GATAD2A: variants seen among roughly 807,000 people sequenced by gnomAD.
GATAD2A encodes the protein GATA zinc finger domain containing 2A.
In GATAD2A, 12 loss-of-function variants were observed where a neutral mutation model predicts 68.5. The ratio of observed to expected loss-of-function variants is 0.18; its 90% CI spans 0.11 to 0.28. GATAD2A has a LOEUF of 0.28. Among genes scored for constraint, GATAD2A ranks in the 10% least tolerant of loss-of-function variants. GATAD2A has a pLI of 1.00. For missense variants in GATAD2A, 755 were observed against 868.5 expected (o/e 0.87, Z 1.64); for synonymous variants, 410 against 375.3 (o/e 1.09, Z -1.07).
chr19:19,453,898 G>C (rs563384746), intron 1 of GATAD2A, among the ~76,000 whole-genome samples: 2 of 150,700 alleles, frequency 1.3e-5, no homozygotes, highest in African/African-American at 4.9e-5. Context: ...TCCTGGCCTC[G>C]TGATCCACCC....
chr19:19,469,828 T>C (rs1234089292), intron 2 of GATAD2A, among the ~76,000 whole-genome samples: 1 of 151,934 alleles, frequency 6.6e-6, no homozygotes, highest in South Asian at 2.1e-4. Context: ...GCACCTATAG[T>C]CCCAGCTACT....
intron 7 of GATAD2A, among the ~76,000 whole-genome samples, chr19:19,497,937 TC>T (rs1413268612): frequency 3.9e-5 from 6 of 151,996 alleles, no homozygotes; most frequent in African/African-American, 1.5e-4. Flanking sequence ...AGGAGCTGCT[TC>T]CCCCATCGCC....
intron 1 of GATAD2A, chr19:19,436,313 T>A: frequency 8.3e-6 from 5 of 600,658 alleles, no homozygotes; most frequent in Non-Finnish European, 1.2e-5. Context: ...TGAGTGCTGC[T>A]TCAGCCACCT....
intron 8 of GATAD2A, among the ~76,000 whole-genome samples, chr19:19,499,290 C>G (rs1425825710): frequency 6.6e-6 from 1 of 152,190 alleles, no homozygotes. Flanking sequence ...GAGTTGGCCC[C>G]CAGGGAGCCC....
rs1265882845 is a variant in GATAD2A at position 19,410,211 on chromosome 19, G to C, written c.-7+4192G>C. Among the ~76,000 whole-genome samples the C allele has an allele frequency of 2.0e-5, 3 of 152,134 alleles. 1 individual carries two copies. The highest frequency in any genetic ancestry group is 4.4e-5 in the Non-Finnish European group (3 of 68,032). ...ATTTTAGGGTTCCTTATATGGAAGG[G>C]CTGAAGACCTGCAATTTCCGAGGAT... On this transcript the variant is annotated intron_variant, in intron 1 of 11. Transcript: ENST00000683918.
chr19:19,392,259 A>T (rs2048896191), intron 1 of GATAD2A, among the ~76,000 whole-genome samples: 1 of 148,884 alleles, frequency 6.7e-6, no homozygotes, highest in Admixed American at 6.7e-5. Context: ...CTAATTTTGT[A>T]TTTTTGTAGA....
intron 8 of GATAD2A, 59 bp downstream of exon 8, chr19:19,498,781 C>T (rs1304655170): frequency 1.5e-5 from 22 of 1,452,894 alleles, no homozygotes; most frequent in South Asian, 3.8e-5. Flanking sequence ...GGTGCTGCCC[C>T]GTGGGTTCTT....
Position 19,498,509 on chromosome 19 carries a change from G to T in GATAD2A, c.991G>T (p.Val331Leu), listed in dbSNP as rs1028918801. ...SAQANSTPTS[V>L]ASVVTSAESP... ...TCAGGCCAACTCCACCCCCACTAGT[G>T]TGGCCTCTGTGGTCACCTCTGCCGA... Residue 331 changes from valine to leucine, a missense_variant, in exon 8 of 12, where the codon GTG becomes TTG. Transcript: ENST00000683918. 2 of 1,613,780 alleles carry T rather than the reference G, an allele frequency of 1.2e-6. No homozygotes were observed. Among genetic ancestry groups the T allele is most frequent in the Non-Finnish European group, 1.7e-6 (2 of 1,179,930 alleles).
chr19:19,416,295 A>G (rs1300729064), intron 1 of GATAD2A, among the ~76,000 whole-genome samples: 1 of 152,028 alleles, frequency 6.6e-6, no homozygotes, highest in Non-Finnish European at 1.5e-5. Context: ...AACACTGCCA[A>G]GGATGCTGGA....
At chr19:19,388,266 A>G (rs757996272) in intron 1 of GATAD2A, among the ~76,000 whole-genome samples, 8 of 152,066 alleles carry the variant, frequency 5.3e-5, no homozygotes, top group Admixed American at 3.9e-4. Flanking sequence ...CATGTGGGTC[A>G]GGGTGGTCTC....
intron 1 of GATAD2A, among the ~76,000 whole-genome samples, chr19:19,388,789 A>G (rs60321073): frequency 0.19 from 28,862 of 152,012 alleles, 2,959 homozygotes; most frequent in South Asian, 0.33. Context: ...CCGTGCTGAA[A>G]AAAAATCAAA....
At chr19:19,494,210 G>C (rs907543246) in intron 4 of GATAD2A, 84 bp from the exon 5 acceptor site, 7 of 700,694 alleles carry the variant, frequency 1.0e-5, no homozygotes, top group Non-Finnish European at 1.7e-5. Context: ...GTCCTCTTCG[G>C]CAGCATTAAA....
chr19:19,391,340 C>T (rs921348770), intron 1 of GATAD2A, among the ~76,000 whole-genome samples: 14 of 152,136 alleles, frequency 9.2e-5, no homozygotes, highest in Non-Finnish European at 7.4e-5. Flanking sequence ...TCCTTCCCTC[C>T]TTTCTTTCTC....
intron 1 of GATAD2A, among the ~76,000 whole-genome samples, chr19:19,393,994 C>T (rs887536482): frequency 1.3e-5 from 2 of 151,776 alleles, no homozygotes; most frequent in African/African-American, 4.8e-5. Context: ...TCAAGTGATT[C>T]TCCTACCTCA....
chr19:19,460,243 AG>A (rs2057308605), intron 1 of GATAD2A, among the ~76,000 whole-genome samples: 1 of 152,166 alleles, frequency 6.6e-6, no homozygotes, highest in African/African-American at 2.4e-5. Context: ...TGCTGCCGGG[AG>A]GAGAGTAGAC....
chr19:19,445,582 C>G (rs1486847591), intron 1 of GATAD2A, among the ~76,000 whole-genome samples: 1 of 152,216 alleles, frequency 6.6e-6, no homozygotes, highest in East Asian at 1.9e-4. Flanking sequence ...TTTTCCTTGA[C>G]TCTGCTCTCC....
In GATAD2A at chr19:19,492,289, C is replaced by CT; in HGVS notation, c.270-16dup. ...GCTGTCAAGGGCGCTCTGGTCACTA[C>CT]TGTCTCCACCCCACAGTGACATGAA... On this transcript the variant is annotated splice_polypyrimidine_tract_variant and intron_variant, in intron 2 of 11. Transcript: ENST00000683918. 2 of 1,594,936 alleles carry CT rather than the reference C, an allele frequency of 1.3e-6. No homozygotes were observed. The highest frequency in any genetic ancestry group is 1.7e-6 in the Non-Finnish European group (2 of 1,170,868).
Position 19,492,568 on chromosome 19 carries a change from C to G in GATAD2A, c.403-13C>G. 6.2e-7 allele frequency: 1 copy of G among 1,614,174 alleles called. No homozygotes were observed. The highest frequency in any genetic ancestry group is 1.6e-4 in the Middle Eastern group (1 of 6,062). On this transcript the variant is annotated splice_polypyrimidine_tract_variant and intron_variant, in intron 3 of 11. Transcript: ENST00000683918. ...GACGCTCCCTCTCAACCCTGTTCCTCTCGCCCCTGCAGAAAAGCAGTCCTG... is the reference window on the plus strand; with the variant it reads ...GACGCTCCCTCTCAACCCTGTTCCTGTCGCCCCTGCAGAAAAGCAGTCCTG...
intron 9 of GATAD2A, 104 bp from the exon 10 acceptor site, chr19:19,501,865 C>T (rs1754766549): frequency 4.9e-6 from 4 of 820,204 alleles, no homozygotes; most frequent in Non-Finnish European, 8.0e-6. Flanking sequence ...CACTTGGCGC[C>T]TAAAGTCCCC....
Sources: gnomAD v4.1 joint callset for allele counts (sites outside exome capture counted in the v4.1 genomes callset) on GRCh38, gnomAD v4.1.1 for gene constraint, MANE v1.5 for transcripts, NCBI Gene and HGNC (gene_info 2026-07-23, HGNC 2026-07-21) for gene names.